The following CADM2 variants were observed in gnomAD, a reference collection of about 807,000 sequenced individuals.
CADM2 encodes the protein immunoglobulin superfamily member 4D.
A neutral mutation model predicts 49.8 loss-of-function variants in CADM2; 12 were observed. That is an observed-to-expected ratio of 0.24 (90% CI 0.15 to 0.39). The LOEUF is 0.39. CADM2 is among the 10% of genes least tolerant of loss of function. The pLI is 1.00. For synonymous variants in CADM2, 214 were observed against 175.4 expected (o/e 1.22, Z -1.74); for missense variants, 378 against 492.3 (o/e 0.77, Z 2.20).
intron 7 of CADM2, among the ~76,000 whole-genome samples, chr3:85,949,005 C>T (rs1183343862): frequency 6.6e-6 from 1 of 151,338 alleles, no homozygotes; most frequent in African/African-American, 2.4e-5. Flanking sequence ...GACTTAAGCA[C>T]CACCACTCAA....
intron 8 of CADM2, among the ~76,000 whole-genome samples, chr3:86,005,101 A>G (rs1730621554): frequency 6.6e-6 from 1 of 152,184 alleles, no homozygotes; most frequent in Admixed American, 6.5e-5. Context: ...CACCTGCTGT[A>G]CTTGTAGATA....
At chr3:85,711,345 C>T (rs2067111926) in intron 1 of CADM2, among the ~76,000 whole-genome samples, 1 of 152,114 alleles carries the variant, frequency 6.6e-6, no homozygotes, top group African/African-American at 2.4e-5. Flanking sequence ...CCTAAGGCCT[C>T]AATTCCCACA....
chr3:85,205,057 A>C (rs549070654), intron 1 of CADM2, among the ~76,000 whole-genome samples: 1 of 148,436 alleles, frequency 6.7e-6, no homozygotes, highest in South Asian at 2.1e-4. Context: ...TTACTCTGTC[A>C]CCTAGGCTGG....
chr3:85,440,436 A>T (rs1004457850), intron 1 of CADM2, among the ~76,000 whole-genome samples: 10 of 152,158 alleles, frequency 6.6e-5, no homozygotes, highest in Non-Finnish European at 1.5e-4. Flanking sequence ...TTATTGATCT[A>T]CTTTACAAAA....
intron 3 of CADM2, among the ~76,000 whole-genome samples, chr3:85,857,930 C>A (rs573724237): frequency 1.3e-5 from 2 of 152,246 alleles, no homozygotes; most frequent in South Asian, 4.1e-4. Flanking sequence ...AATTTTAATT[C>A]CCTTATTTTG....
chr3:85,960,511 C>A (rs938878185), intron 7 of CADM2, among the ~76,000 whole-genome samples: 1 of 151,896 alleles, frequency 6.6e-6, no homozygotes, highest in Non-Finnish European at 1.5e-5. Flanking sequence ...TTGAATACTT[C>A]TCTCATCTAT....
At chr3:84,961,681 G>A (rs1434346150) in intron 1 of CADM2, among the ~76,000 whole-genome samples, 1 of 152,122 alleles carries the variant, frequency 6.6e-6, no homozygotes, top group East Asian at 1.9e-4. Context: ...GGAGTGTGAT[G>A]TGGGGGAATC....
At chr3:85,680,665 T>A (rs1244801180) in intron 1 of CADM2, among the ~76,000 whole-genome samples, 1 of 152,202 alleles carries the variant, frequency 6.6e-6, no homozygotes, top group African/African-American at 2.4e-5. Context: ...ATGATTATTT[T>A]AATAGAACTT....
At chr3:84,996,670 T>C (rs9818659) in intron 1 of CADM2, among the ~76,000 whole-genome samples, 46,583 of 151,992 alleles carry the variant, frequency 0.31, 7,517 homozygotes, top group Non-Finnish European at 0.34. Context: ...AAAAGGCACA[T>C]TGCCCATATT....
At chr3:85,306,299 A>T (rs2107019435) in intron 1 of CADM2, among the ~76,000 whole-genome samples, 1 of 151,778 alleles carries the variant, frequency 6.6e-6, no homozygotes, top group East Asian at 1.9e-4. Flanking sequence ...ATTTGTTGTT[A>T]AGAATTGATT....
At chr3:85,078,976 A>C (rs1174552358) in intron 1 of CADM2, among the ~76,000 whole-genome samples, 1 of 151,834 alleles carries the variant, frequency 6.6e-6, no homozygotes, top group East Asian at 1.9e-4. Flanking sequence ...AGAGGCCATT[A>C]TAAGTGATCT....
At chr3:85,929,157 T>A (rs1252872312) in intron 6 of CADM2, among the ~76,000 whole-genome samples, 1 of 151,964 alleles carries the variant, frequency 6.6e-6, no homozygotes, top group Non-Finnish European at 1.5e-5. Flanking sequence ...ATCATACACA[T>A]CTCCAATGTA....
At chr3:85,168,676 G>A (rs1319692580) in intron 1 of CADM2, among the ~76,000 whole-genome samples, 1 of 152,020 alleles carries the variant, frequency 6.6e-6, no homozygotes, top group Non-Finnish European at 1.5e-5. Flanking sequence ...TTTCACCCAA[G>A]CCAATATATA....
intron 6 of CADM2, among the ~76,000 whole-genome samples, chr3:85,921,475 GT>G (rs770030929): frequency 6.6e-6 from 1 of 151,852 alleles, no homozygotes; most frequent in Non-Finnish European, 1.5e-5. Flanking sequence ...ATAGTCTGGT[GT>G]TTTTTTAAAT....
rs546477299 is a variant in CADM2 at position 85,100,608 on chromosome 3, A to G, written c.61+140940A>G. Among the ~76,000 whole-genome samples the G allele has an allele frequency of 1.9e-4, 29 of 152,202 alleles. 1 individual carries two copies. Among genetic ancestry groups the G allele is most frequent in the Non-Finnish European group, 4.1e-4 (28 of 68,036 alleles). On this transcript the variant is annotated intron_variant, in intron 1 of 9. Transcript: ENST00000383699. The stretch of plus-strand genomic sequence containing the variant: ...TTATGAAAATATATTTAAAGCACCA[A>G]AAACATGGCAGAGAGTCAAAACAAA...
chr3:85,387,281 T>C (rs1576463236), intron 1 of CADM2, among the ~76,000 whole-genome samples: 1 of 152,338 alleles, frequency 6.6e-6, no homozygotes, highest in South Asian at 2.1e-4. Flanking sequence ...TCACTGGAAA[T>C]TTTTTAAATA....
At chr3:85,516,567 T>G (rs560122812) in intron 1 of CADM2, among the ~76,000 whole-genome samples, 1 of 152,180 alleles carries the variant, frequency 6.6e-6, no homozygotes, top group East Asian at 1.9e-4. Flanking sequence ...AACCATTAGT[T>G]TCATATAGTA....
At chr3:85,744,525 GATAA>G (rs1263325200) in intron 2 of CADM2, among the ~76,000 whole-genome samples, 2 of 151,118 alleles carry the variant, frequency 1.3e-5, no homozygotes, top group Non-Finnish European at 2.9e-5. Context: ...AAAATATAAA[GATAA>G]ATAATAAATA....
Position 85,247,951 on chromosome 3 carries a change from A to C in CADM2, c.61+288283A>C, listed in dbSNP as rs1182876188. Among the ~76,000 whole-genome samples the C allele has an allele frequency of 3.9e-5, 6 of 152,178 alleles. No individual in the cohort carries two copies. The East Asian group carries it at 1.2e-3, about 29-fold the overall frequency. On this transcript the variant is annotated intron_variant, in intron 1 of 9. Transcript: ENST00000383699. The stretch of plus-strand genomic sequence containing the variant: ...TAATTTATCATTGGTTTTATTCATT[A>C]GAATTATTAAATTCAACCAAAAATG...
Sources: gnomAD v4.1 joint callset for allele counts (sites outside exome capture counted in the v4.1 genomes callset) on GRCh38, gnomAD v4.1.1 for gene constraint, MANE v1.5 for transcripts, NCBI Gene and HGNC (gene_info 2026-07-23, HGNC 2026-07-21) for gene names.